MAD1L1: variants seen among roughly 807,000 people sequenced by gnomAD.
MAD1L1 encodes mitotic arrest deficient 1 like 1, also known as mitotic spindle assembly checkpoint protein MAD1.
MAD1L1 carries 95 observed loss-of-function variants against 96.9 expected under a neutral mutation model. That is an observed-to-expected ratio of 0.98 (90% CI 0.83 to 1.16). MAD1L1 has a LOEUF of 1.16. MAD1L1 is among the 50% of genes most tolerant of loss of function. The probability of loss-of-function intolerance (pLI) is 0.00; values close to 1 mark genes in which losing one functional copy is unlikely to be tolerated. For missense variants in MAD1L1, 1,007 were observed against 954.4 expected (o/e 1.06, Z -0.73); for synonymous variants, 473 against 396.6 (o/e 1.19, Z -2.29).
chr7:2,057,380 G>A (rs559495717), intron 12 of MAD1L1, among the ~76,000 whole-genome samples: 7 of 152,196 alleles, frequency 4.6e-5, no homozygotes, highest in African/African-American at 9.7e-5. Context: ...CACCGGGCAT[G>A]GTGGTGTGCA....
intron 3 of MAD1L1, among the ~76,000 whole-genome samples, chr7:2,228,885 T>G (rs1268499736): frequency 2.6e-5 from 4 of 151,740 alleles, no homozygotes; most frequent in Non-Finnish European, 4.4e-5. Context: ...GGACTACAGG[T>G]GCCACGCCCA....
chr7:1,886,375 C>A (rs571776594), intron 18 of MAD1L1, among the ~76,000 whole-genome samples: 4 of 152,242 alleles, frequency 2.6e-5, no homozygotes, highest in Admixed American at 1.3e-4. Context: ...TGTCTACACC[C>A]GTTGGCAGCA....
intron 17 of MAD1L1, among the ~76,000 whole-genome samples, chr7:1,907,492 G>C (rs972604452): frequency 6.6e-6 from 1 of 152,262 alleles, no homozygotes; most frequent in African/African-American, 2.4e-5. Flanking sequence ...AAACAAGGCA[G>C]CCCCTGAGGC....
At chr7:2,221,404 G>A (rs1169143407) in intron 5 of MAD1L1, among the ~76,000 whole-genome samples, 1 of 152,086 alleles carries the variant, frequency 6.6e-6, no homozygotes, top group Non-Finnish European at 1.5e-5. Flanking sequence ...AAGCAGATAG[G>A]GGAACAGCCT....
At position 1,869,451 on chromosome 7, in the gene MAD1L1, G is replaced by C. The variant is rs80012471; in HGVS notation, c.1998+28749C>G. ...TCCCCAGCCCAGGGTTGGGCACAGC[G>C]ATGGCCTGCAAGAGCTCAGCCCACG... On this transcript the variant is annotated intron_variant, in intron 18 of 18. Transcript: ENST00000265854. Among the ~76,000 whole-genome samples, 1,172 of 152,274 alleles carry C rather than the reference G, an allele frequency of 7.7e-3. 16 individuals are homozygous for C. The highest frequency in any genetic ancestry group is 0.026 in the African/African-American group (1,098 of 41,546).
chr7:2,075,823 C>T (rs1370142818), intron 11 of MAD1L1, among the ~76,000 whole-genome samples: 6 of 152,232 alleles, frequency 3.9e-5, no homozygotes, highest in Non-Finnish European at 5.9e-5. Context: ...AGCTCTTCCA[C>T]GCACGACCCA....
chr7:1,929,500 G>A (rs1482823737), intron 17 of MAD1L1, among the ~76,000 whole-genome samples: 2 of 152,124 alleles, frequency 1.3e-5, no homozygotes, highest in Non-Finnish European at 2.9e-5. Flanking sequence ...GGGTTGTTTA[G>A]TGACTGCCTT....
At chr7:1,974,140 G>A (rs189804145) in intron 15 of MAD1L1, among the ~76,000 whole-genome samples, 260 of 152,274 alleles carry the variant, frequency 1.7e-3, no homozygotes, top group African/African-American at 5.8e-3. Flanking sequence ...CTGCATTGGC[G>A]ACACACTTCC....
rs943760292 is a variant in MAD1L1 at position 1,850,484 on chromosome 7, G to T, written c.1999-34256C>A. 1.1e-3 allele frequency among the ~76,000 whole-genome samples: 173 copies of T among 152,322 alleles called. 10 individuals are homozygous for T. Among genetic ancestry groups the T allele is most frequent in the Middle Eastern group, 3.4e-3 (1 of 294 alleles). On this transcript the variant is annotated intron_variant, in intron 18 of 18. Transcript: ENST00000265854. ...CTTCCTCTAGTGGGTCCAGGTGGGG[G>T]TACCCCAAGTTCCTGCAGGGCTCCA... is the stretch of plus-strand genomic sequence containing the variant.
intron 12 of MAD1L1, among the ~76,000 whole-genome samples, chr7:2,051,401 T>G (rs1784160808): frequency 6.6e-6 from 1 of 152,198 alleles, no homozygotes; most frequent in Non-Finnish European, 1.5e-5. Flanking sequence ...CTGTGGAGCC[T>G]TGGCCTACAG....
At chr7:1,929,217 C>T (rs1179372360) in intron 17 of MAD1L1, among the ~76,000 whole-genome samples, 1 of 152,154 alleles carries the variant, frequency 6.6e-6, no homozygotes, top group East Asian at 1.9e-4. Flanking sequence ...TATCTCTTCT[C>T]CCTCTTCCTC....
At chr7:1,938,424 G>T (rs929770796) in intron 16 of MAD1L1, among the ~76,000 whole-genome samples, 1 of 152,036 alleles carries the variant, frequency 6.6e-6, no homozygotes, top group Admixed American at 6.5e-5. Flanking sequence ...AAAAAAAAAA[G>T]AGTACAACTG....
intron 16 of MAD1L1, among the ~76,000 whole-genome samples, chr7:1,956,632 G>A (rs917003735): frequency 2.8e-5 from 1 of 36,236 alleles, no homozygotes; most frequent in Admixed American, 3.7e-4. Flanking sequence ...AGGGTCACAG[G>A]TGACACTGCC....
At chr7:2,094,544 C>T (rs1323110740) in intron 11 of MAD1L1, among the ~76,000 whole-genome samples, 1 of 152,118 alleles carries the variant, frequency 6.6e-6, no homozygotes, top group African/African-American at 2.4e-5. Context: ...GGAAGGCCCA[C>T]GAGGAGGTAA....
At chr7:2,052,876 G>A (rs542092486) in intron 12 of MAD1L1, among the ~76,000 whole-genome samples, 38 of 152,134 alleles carry the variant, frequency 2.5e-4, no homozygotes, top group Non-Finnish European at 3.1e-4. Flanking sequence ...CTGGACCTCC[G>A]GGGCCATGGG....
intron 11 of MAD1L1, among the ~76,000 whole-genome samples, chr7:2,135,349 G>C (rs1182691167): frequency 6.6e-6 from 1 of 152,188 alleles, no homozygotes; most frequent in African/African-American, 2.4e-5. Flanking sequence ...GAAGAGATTT[G>C]TAAAAAGTAA....
rs1040993576 is a variant in MAD1L1 at position 2,092,977 on chromosome 7, C to A, written c.1074-23639G>T. Among the ~76,000 whole-genome samples the A allele has an allele frequency of 5.9e-5, 9 of 152,086 alleles. No individual in the cohort carries two copies. In the South Asian group the frequency reaches 1.7e-3, roughly 28 times the overall value. On this transcript the variant is annotated intron_variant, in intron 11 of 18. Coordinates refer to ENST00000265854, the MANE Select transcript of MAD1L1 (RefSeq NM_001013836.2). The stretch of plus-strand genomic sequence containing the variant: ...TTTGGGCCGAGTGCAGTGGCTCACA[C>A]CTGTAATCCCAGTACTTTGGGAGGC...
chr7:2,144,604 C>G (rs1244619028), intron 11 of MAD1L1, among the ~76,000 whole-genome samples: 1 of 152,160 alleles, frequency 6.6e-6, no homozygotes, highest in Non-Finnish European at 1.5e-5. Context: ...CCTGTCCCGG[C>G]TCTTCCCACG....
chr7:2,091,983 C>T (rs1786239880), intron 11 of MAD1L1, among the ~76,000 whole-genome samples: 1 of 152,198 alleles, frequency 6.6e-6, no homozygotes, highest in African/African-American at 2.4e-5. Flanking sequence ...ACACAATTTT[C>T]AATTCCCGTG....
Sources: allele counts gnomAD v4.1 joint callset (sites outside exome capture counted in the v4.1 genomes callset), GRCh38; gene constraint gnomAD v4.1.1; transcripts MANE v1.5; gene names NCBI Gene and HGNC (gene_info 2026-07-23, HGNC 2026-07-21).